The following ERBB4 variants were observed in gnomAD, a reference collection of about 807,000 sequenced individuals.
ERBB4 encodes the protein receptor tyrosine-protein kinase erbB-4.
ERBB4 carries 42 observed loss-of-function variants against 158.0 expected under a neutral mutation model. The observed-to-expected ratio is 0.27, with a 90% CI of 0.21 to 0.34. The LOEUF is 0.34. ERBB4 is among the 10% of genes least tolerant of loss of function. The pLI is 1.00. For synonymous variants in ERBB4, 583 were observed against 558.7 expected, an observed-to-expected ratio of 1.04 and a Z score of -0.61; for missense variants, 1,333 against 1,624.1, an observed-to-expected ratio of 0.82 and a Z score of 3.08.
chr2:212,383,916 G>A (rs561928752), intron 1 of ERBB4, among the ~76,000 whole-genome samples: 1 of 151,660 alleles, frequency 6.6e-6, no homozygotes, highest in South Asian at 2.1e-4. Flanking sequence ...ACAGAACTCT[G>A]AACACAGTGC....
chr2:211,504,714 G>A (rs1265994442), intron 20 of ERBB4, among the ~76,000 whole-genome samples: 2 of 151,986 alleles, frequency 1.3e-5, no homozygotes, highest in Admixed American at 1.3e-4. Flanking sequence ...AAGAATTCAA[G>A]AAACAATTCA....
At chr2:211,397,704 T>TAACA (rs1417413356) in intron 25 of ERBB4, among the ~76,000 whole-genome samples, 1 of 152,182 alleles carries the variant, frequency 6.6e-6, no homozygotes, top group East Asian at 1.9e-4. Flanking sequence ...TCTTTATTCC[T>TAACA]AACAGAATTA....
chr2:211,815,379 C>G (rs914446184), intron 3 of ERBB4, among the ~76,000 whole-genome samples: 1 of 152,200 alleles, frequency 6.6e-6, no homozygotes, highest in Non-Finnish European at 1.5e-5. Context: ...TGACTCTCCT[C>G]AGGTGTTATG....
intron 20 of ERBB4, among the ~76,000 whole-genome samples, chr2:211,494,867 G>GA (rs1321969555): frequency 6.6e-6 from 1 of 152,066 alleles, no homozygotes; most frequent in Non-Finnish European, 1.5e-5. Flanking sequence ...ATTGTTTTAG[G>GA]AAACGAACTG....
At chr2:212,329,294 AAGAATGTCATTTAT>A (rs1305371666) in intron 1 of ERBB4, among the ~76,000 whole-genome samples, 1 of 152,070 alleles carries the variant, frequency 6.6e-6, no homozygotes, top group Admixed American at 6.6e-5. Context: ...CACTTACTTA[AAGAATGTCATTTAT>A]AGGATTTTCT....
Position 211,788,149 on chromosome 2 carries a change from A to G in ERBB4, c.432T>C (p.Asn144=). 1 of 1,611,958 alleles carries G rather than the reference A, an allele frequency of 6.2e-7. No individual in the cohort carries two copies. Among genetic ancestry groups the G allele is most frequent in the Admixed American group, 1.7e-5 (1 of 59,942 alleles). Residue 144 remains asparagine, a synonymous_variant, in exon 4 of 28, where the codon AAT becomes AAC. Transcript: ENST00000342788. ...TGTTCTGGTCTACATAGACTCCACC[A>G]TTTAGGATTTCTGTATTAAAAAACA... is the stretch of plus-strand genomic sequence containing the variant. ...LGLKNLTEIL[N]GGVYVDQNKF... is the part of the protein sequence containing the mutation.
intron 7 of ERBB4, among the ~76,000 whole-genome samples, chr2:211,721,443 C>CAAAAAA (rs71054136): frequency 0.011 from 586 of 54,356 alleles, 92 homozygotes; most frequent in Middle Eastern, 0.048. Context: ...TTACTCAAAG[C>CAAAAAA]AAAAAAAAAA....
At chr2:211,549,946 T>G (rs1256499764) in intron 20 of ERBB4, among the ~76,000 whole-genome samples, 2 of 152,136 alleles carry the variant, frequency 1.3e-5, no homozygotes, top group Non-Finnish European at 2.9e-5. Flanking sequence ...GACTTCCTTA[T>G]ACATGATAAA....
chr2:211,884,115 A>T (rs1457898103), intron 3 of ERBB4, among the ~76,000 whole-genome samples: 1 of 152,204 alleles, frequency 6.6e-6, no homozygotes, highest in Non-Finnish European at 1.5e-5. Flanking sequence ...TAAGTTTCTC[A>T]GATCCATTTT....
chr2:211,883,869 T>TA (rs1277710930), intron 3 of ERBB4, among the ~76,000 whole-genome samples: 1 of 152,206 alleles, frequency 6.6e-6, no homozygotes, highest in Non-Finnish European at 1.5e-5. Context: ...TTGTGCCTTG[T>TA]ATGCATTATA....
chr2:212,040,285 CTAT>C (rs1559368488), intron 2 of ERBB4, among the ~76,000 whole-genome samples: 2 of 151,924 alleles, frequency 1.3e-5, no homozygotes, highest in Non-Finnish European at 2.9e-5. Context: ...GTAACACACA[CTAT>C]TATTTGGTGA....
intron 3 of ERBB4, among the ~76,000 whole-genome samples, chr2:211,941,187 C>T (rs1251561333): frequency 6.6e-6 from 1 of 151,814 alleles, no homozygotes; most frequent in African/African-American, 2.4e-5. Flanking sequence ...CTCACTTAAG[C>T]TTCACTATAG....
At chr2:211,559,248 A>G (rs1346581322) in intron 20 of ERBB4, among the ~76,000 whole-genome samples, 1 of 152,118 alleles carries the variant, frequency 6.6e-6, no homozygotes, top group Non-Finnish European at 1.5e-5. Context: ...CAGACTCCTA[A>G]TTAGTATCTT....
chr2:212,067,020 A>G (rs572757987), intron 2 of ERBB4, among the ~76,000 whole-genome samples: 3 of 152,116 alleles, frequency 2.0e-5, no homozygotes, highest in South Asian at 4.1e-4. Flanking sequence ...TTATATTTGA[A>G]ACATTACTGG....
At chr2:212,062,214 A>G (rs573261189) in intron 2 of ERBB4, among the ~76,000 whole-genome samples, 11 of 152,202 alleles carry the variant, frequency 7.2e-5, no homozygotes, top group African/African-American at 2.2e-4. Flanking sequence ...GCTTTTCACA[A>G]AAGTCTACAT....
At chr2:212,057,565 A>G (rs1227833753) in intron 2 of ERBB4, among the ~76,000 whole-genome samples, 3 of 152,210 alleles carry the variant, frequency 2.0e-5, no homozygotes. Context: ...AAGAACAGAA[A>G]TTATAACAAA....
At chr2:211,740,622 CTTTTTTTTTT>C (rs1169540948) in intron 5 of ERBB4, among the ~76,000 whole-genome samples, 11 of 90,174 alleles carry the variant, frequency 1.2e-4, no homozygotes, top group Non-Finnish European at 2.2e-4. Flanking sequence ...TTTTCTTTGT[CTTTTTTTTTT>C]TTTTTTTTTT....
intron 1 of ERBB4, among the ~76,000 whole-genome samples, chr2:212,175,152 T>C (rs1300247031): frequency 1.3e-5 from 2 of 152,104 alleles, no homozygotes; most frequent in Admixed American, 1.3e-4. Flanking sequence ...ACAGAATTAC[T>C]ATTTTCTTAC....
chr2:212,020,683 T>C (rs573420758), intron 2 of ERBB4, among the ~76,000 whole-genome samples: 4 of 152,276 alleles, frequency 2.6e-5, no homozygotes, highest in South Asian at 4.1e-4. Flanking sequence ...TCTTCTTAAA[T>C]AATACCAATT....
Sources: gnomAD v4.1 joint callset for allele counts (sites outside exome capture counted in the v4.1 genomes callset) on GRCh38, gnomAD v4.1.1 for gene constraint, MANE v1.5 for transcripts, NCBI Gene and HGNC (gene_info 2026-07-23, HGNC 2026-07-21) for gene names.